ASXL1: variants seen among roughly 807,000 people sequenced by gnomAD.
The protein encoded by ASXL1 is ASXL transcriptional regulator 1.
Under a neutral mutation model 89.1 loss-of-function variants are expected in ASXL1, and 65 were observed. That is an observed-to-expected ratio of 0.73 (90% CI 0.60 to 0.90). The LOEUF (loss-of-function observed/expected upper bound fraction) is 0.90, where lower values mean the gene tolerates loss of function less well. Among genes scored for constraint, ASXL1 ranks in the 40% least tolerant of loss-of-function variants. The probability of loss-of-function intolerance (pLI) is 0.00; values close to 1 mark genes in which losing one functional copy is unlikely to be tolerated. For missense variants in ASXL1, 1,786 were observed against 1,942.9 expected, an observed-to-expected ratio of 0.92 and a Z score of 1.52; for synonymous variants, 739 against 746.9, an observed-to-expected ratio of 0.99 and a Z score of 0.17.
chr20:32,431,537 TTTTAAG>T (rs769364276), intron 9 of ASXL1, 40 bp from the exon 10 acceptor site: 5 of 1,614,004 alleles, frequency 3.1e-6, no homozygotes, highest in African/African-American at 2.7e-5. Context: ...TTCTGTTCTC[TTTTAAG>T]TTTATTTATT....
rs2011453586 is a variant in ASXL1, at chr20:32,429,516, GTGC to G, written c.565+86_565+88del. Reference sequence around the variant, plus strand: ...TCTGTCAGCAGTTTCTGACCTAATAGTGCGATACTAGGAGAGCTGTCGGGCCAC... The same window carrying G: ...TCTGTCAGCAGTTTCTGACCTAATAGGATACTAGGAGAGCTGTCGGGCCAC... On this transcript the variant is annotated intron_variant, in intron 7 of 12. Coordinates refer to ENST00000375687, the MANE Select transcript of ASXL1 (RefSeq NM_015338.6). This position sits in a 1 kb window ranked among gnomAD's most constrained non-coding sequence, Gnocchi z 4.9. 2.2e-6 allele frequency: 3 copies of G among 1,376,586 alleles called. No homozygotes were observed. In the African/African-American group the frequency reaches 4.3e-5, roughly 20 times the overall value. 85.3% of individuals were successfully genotyped at this position (1,376,586 alleles called of 1,614,324 possible).
chr20:32,365,396 C>A (rs1474670449), intron 1 of ASXL1, among the ~76,000 whole-genome samples: 1 of 152,106 alleles, frequency 6.6e-6, no homozygotes, highest in Non-Finnish European at 1.5e-5. Flanking sequence ...ATAGAGAGTA[C>A]CTTCCGCAGC....
At chr20:32,378,268 C>T (rs1037194586) in intron 4 of ASXL1, among the ~76,000 whole-genome samples, 1 of 151,696 alleles carries the variant, frequency 6.6e-6, no homozygotes, top group African/African-American at 2.4e-5. Flanking sequence ...CATCTGCCCA[C>T]CTTGACCTCC....
chr20:32,385,674 C>A (rs1569265476), intron 4 of ASXL1, among the ~76,000 whole-genome samples: 2 of 151,996 alleles, frequency 1.3e-5, no homozygotes, highest in African/African-American at 2.4e-5. Flanking sequence ...CTAAATTATC[C>A]CGTTATGCTG....
chr20:32,424,166 T>C (rs915606719), intron 4 of ASXL1, among the ~76,000 whole-genome samples: 1 of 152,194 alleles, frequency 6.6e-6, no homozygotes, highest in African/African-American at 2.4e-5. Flanking sequence ...TGTTATTTTC[T>C]TGATCACAGA....
chr20:32,428,692 C>T (rs1422745953), intron 6 of ASXL1: 15 of 347,602 alleles, frequency 4.3e-5, no homozygotes, highest in South Asian at 2.6e-4. Context: ...GATGGAGTCG[C>T]GCCTGTCGCT....
intron 1 of ASXL1, 190 bp downstream of exon 1, chr20:32,359,022 C>T (rs1474927583): frequency 3.1e-6 from 2 of 651,264 alleles, no homozygotes; most frequent in Non-Finnish European, 5.2e-6. Flanking sequence ...GGATGTGGCG[C>T]CTTTTTCCGC....
chr20:32,400,484 T>C (rs1436456549), intron 4 of ASXL1, among the ~76,000 whole-genome samples: 2 of 152,220 alleles, frequency 1.3e-5, no homozygotes, highest in Non-Finnish European at 2.9e-5. Flanking sequence ...GACAAGATTC[T>C]TCCCAAATCT....
At position 32,430,030 on chromosome 20, in the gene ASXL1, G is replaced by T. The variant is rs2123225365; in HGVS notation, c.695G>T (p.Arg232Ile). 6.2e-7 allele frequency: 1 copy of T among 1,605,530 alleles called. No individual in the cohort carries two copies. ...ACCCAGGACCCTGCCCCGCTCCTGA[G>T]AGGCTTCCGGAAGCCAGCCACAGGT... ...EVTQDPAPLL[R>I]GFRKPATGQM... The change falls in exon 8 of 13, where the codon AGA becomes ATA. Residue 232 changes from arginine to isoleucine, a missense_variant. Physicochemically the swap from Arg to Ile is moderately conservative, Grantham distance 97. Coordinates refer to ENST00000375687, the MANE Select transcript of ASXL1 (RefSeq NM_015338.6).
At position 32,435,239 on chromosome 20, in the gene ASXL1, G is replaced by A. The variant is rs2011752075; in HGVS notation, c.2527G>A (p.Val843Met). 6.2e-7 allele frequency: 1 copy of A among 1,614,060 alleles called. No individual in the cohort carries two copies. The highest frequency in any genetic ancestry group is 1.1e-5 in the South Asian group (1 of 91,078). ...SHPTMKDPVN[V>M]TPSSTPESSP... ...TCCCACTATGAAGGATCCTGTAAAT[G>A]TGACCCCCAGTTCCACACCTGAATC... The change falls in exon 13 of 13, where the codon GTG becomes ATG. Residue 843 changes from valine (V) to methionine (M), a missense_variant. By Grantham distance (21) the Val-to-Met change is conservative (BLOSUM62 1). Around this residue, in one of 3 missense-constraint regions of ASXL1, gnomAD observed 1,418 missense variants for 1,427.8 expected, o/e 0.99. Coordinates refer to ENST00000375687, the MANE Select transcript of ASXL1 (RefSeq NM_015338.6).
At chr20:32,428,901 T>G in intron 6 of ASXL1, 1 of 308,412 alleles carries the variant, frequency 3.2e-6, no homozygotes, top group Non-Finnish European at 6.3e-6. Flanking sequence ...CCTCAAGTGG[T>G]CTGTCCACCT....
Position 32,369,078 on chromosome 20 carries a change from G to A in ASXL1, c.207G>A (p.Gly69=). The part of the protein sequence containing the change: ...MLHSNSRGGE[G]LFYKLPGRIS... ...ATTCCAATTCAAGAGGAGGAGAGGG[G>A]TTGTTTTATAAACTGCCTGGCCGAA... The change falls in exon 4 of 13, where the codon GGG becomes GGA. Residue 69 remains glycine, a synonymous_variant. Coordinates refer to ENST00000375687, the MANE Select transcript of ASXL1 (RefSeq NM_015338.6). 2 of 1,613,908 alleles carry A rather than the reference G, an allele frequency of 1.2e-6. No individual in the cohort carries two copies. Among genetic ancestry groups the A allele is most frequent in the Non-Finnish European group, 1.7e-6 (2 of 1,179,838 alleles).
intron 4 of ASXL1, among the ~76,000 whole-genome samples, chr20:32,409,133 C>G (rs2049003930): frequency 6.6e-6 from 1 of 152,068 alleles, no homozygotes; most frequent in African/African-American, 2.4e-5. Context: ...ACCACCATAC[C>G]TGGCTAATTT....
chr20:32,385,259 A>C (rs1170984692), intron 4 of ASXL1, among the ~76,000 whole-genome samples: 1 of 152,256 alleles, frequency 6.6e-6, no homozygotes, highest in Non-Finnish European at 1.5e-5. Context: ...AATTGTACAA[A>C]GTAACACTTT....
intron 4 of ASXL1, chr20:32,427,481 G>C (rs981622419): frequency 1.9e-5 from 3 of 160,086 alleles, no homozygotes; most frequent in African/African-American, 7.2e-5. Context: ...ATCTGCCCTC[G>C]TGCCCTCTCT....
At chr20:32,430,094 C>T (rs1418952952) in intron 8 of ASXL1, 41 bp downstream of exon 8, 6 of 1,590,398 alleles carry the variant, frequency 3.8e-6, no homozygotes, top group Non-Finnish European at 4.3e-6. Context: ...GTAAAGGGGG[C>T]CCCTGCAGGC....
intron 4 of ASXL1, among the ~76,000 whole-genome samples, chr20:32,376,747 G>A (rs987764543): frequency 2.7e-5 from 4 of 149,382 alleles, no homozygotes; most frequent in African/African-American, 7.3e-5. Context: ...ATCTCATCTG[G>A]TGGGACATTA....
At chr20:32,379,018 G>T (rs189091954) in intron 4 of ASXL1, among the ~76,000 whole-genome samples, 1 of 151,468 alleles carries the variant, frequency 6.6e-6, no homozygotes, top group African/African-American at 2.4e-5. Flanking sequence ...TGTAGTCCCA[G>T]CTACTCGGGA....
chr20:32,398,443 C>T (rs911348332), intron 4 of ASXL1, among the ~76,000 whole-genome samples: 5 of 151,976 alleles, frequency 3.3e-5, no homozygotes, highest in Non-Finnish European at 5.9e-5. Flanking sequence ...AAGAAAACCC[C>T]GTATTTATTA....
Sources: gnomAD v4.1 joint callset for allele counts (sites outside exome capture counted in the v4.1 genomes callset) on GRCh38, gnomAD v4.1.1 for gene constraint, gnomAD v4.1.1 regional missense constraint, Gnocchi (gnomAD v3.1) non-coding constraint, MANE v1.5 for transcripts, NCBI Gene and HGNC (gene_info 2026-07-23, HGNC 2026-07-21) for gene names.